Variants in NEDD4L observed in about 807,000 individuals in gnomAD.
The protein encoded by NEDD4L is E3 ubiquitin-protein ligase NEDD4-like.
Under a neutral mutation model 148.9 loss-of-function variants are expected in NEDD4L, and 54 were observed. That is an observed-to-expected ratio of 0.36 (90% CI 0.29 to 0.45). The LOEUF (loss-of-function observed/expected upper bound fraction) is 0.45, where lower values mean the gene tolerates loss of function less well. Ranked by LOEUF, NEDD4L falls within the 20% of genes least tolerant of loss-of-function variation. The pLI is 1.00. For synonymous variants in NEDD4L, 433 were observed against 440.7 expected, an observed-to-expected ratio of 0.98 and a Z score of 0.22; for missense variants, 856 against 1,233.8, an observed-to-expected ratio of 0.69 and a Z score of 4.59.
chr18:58,338,486 A>T (rs1001767517), intron 13 of NEDD4L, among the ~76,000 whole-genome samples: 11 of 152,264 alleles, frequency 7.2e-5, no homozygotes, highest in African/African-American at 2.7e-4. Context: ...CTCTCACATA[A>T]ATGTAACTAA....
intron 1 of NEDD4L, among the ~76,000 whole-genome samples, chr18:58,162,044 A>G (rs954867463): frequency 1.3e-5 from 2 of 152,212 alleles, no homozygotes; most frequent in Non-Finnish European, 2.9e-5. Flanking sequence ...TCTTAAAAAA[A>G]GCTTATTTCA....
intron 24 of NEDD4L, among the ~76,000 whole-genome samples, chr18:58,379,114 G>A (rs1189678273): frequency 6.6e-6 from 1 of 152,256 alleles, no homozygotes; most frequent in Non-Finnish European, 1.5e-5. Flanking sequence ...GGAGGGCGGG[G>A]TGTGCGTTTC....
chr18:58,358,275 C>G (rs1319344773), intron 19 of NEDD4L, among the ~76,000 whole-genome samples: 1 of 152,148 alleles, frequency 6.6e-6, no homozygotes, highest in African/African-American at 2.4e-5. Flanking sequence ...CATTTGGGTA[C>G]TATTTCCTAG....
chr18:58,399,269 G>A lies in NEDD4L; in HGVS notation c.*3000G>A, dbSNP rs1050008307. ...AGGCATTCATTGTCTGTGTTGCGGT[G>A]TATTCCCAGCTTCAGTGCTCTTTTC... On this transcript the variant is annotated 3_prime_UTR_variant, in exon 31 of 31. Coordinates refer to ENST00000400345, the MANE Select transcript of NEDD4L (RefSeq NM_001144967.3). 3.3e-5 allele frequency: 5 copies of A among 152,210 alleles called. No homozygotes were observed. The highest frequency in any genetic ancestry group is 1.3e-4 in the Admixed American group (2 of 15,278). The allele number at this position is 152,210 out of a possible 1,614,324, so 9.4% of individuals were successfully genotyped here. A position where few individuals can be genotyped will look rare whatever the true frequency, so the allele number is the denominator to read the frequency against.
intron 1 of NEDD4L, among the ~76,000 whole-genome samples, chr18:58,112,126 G>C (rs2085459468): frequency 6.6e-6 from 1 of 152,166 alleles, no homozygotes; most frequent in South Asian, 2.1e-4. Context: ...ATGAGGATTT[G>C]TCCGTGTCAA....
rs1323235096 is a variant in NEDD4L at position 58,044,621 on chromosome 18, C to A, written c.-40C>A. ...CCGGCCGTCCGCGCCGCAGCACAGC[C>A]GCTGGGAGCGCCTCAGACCCCGCGC... is the stretch of plus-strand genomic sequence containing the variant. On this transcript the variant is annotated 5_prime_UTR_variant, in exon 1 of 31. Coordinates refer to ENST00000400345, the MANE Select transcript of NEDD4L (RefSeq NM_001144967.3). The A allele has an allele frequency of 1.3e-6, 2 of 1,571,192 alleles. No individual in the cohort carries two copies. Among genetic ancestry groups the A allele is most frequent in the East Asian group, 2.4e-5 (1 of 41,302 alleles).
At chr18:58,175,439 TCTC>T (rs1219906348) in intron 2 of NEDD4L, among the ~76,000 whole-genome samples, 8 of 152,354 alleles carry the variant, frequency 5.3e-5, no homozygotes, top group African/African-American at 1.9e-4. Context: ...AGAACTGACT[TCTC>T]CTCTTCCTCC....
intron 1 of NEDD4L, among the ~76,000 whole-genome samples, chr18:58,098,913 C>G (rs938298415): frequency 6.6e-6 from 1 of 152,134 alleles, no homozygotes; most frequent in Non-Finnish European, 1.5e-5. Context: ...CACAGGGTTT[C>G]GTCAGTAAAT....
chr18:58,328,464 G>A (rs1340070622), intron 9 of NEDD4L, among the ~76,000 whole-genome samples: 1 of 152,226 alleles, frequency 6.6e-6, no homozygotes, highest in Non-Finnish European at 1.5e-5. Context: ...GTTAAAATGA[G>A]CTAGAAAGCA....
At chr18:58,320,198 TGATCC>T in intron 6 of NEDD4L, among the ~76,000 whole-genome samples, 1 of 152,334 alleles carries the variant, frequency 6.6e-6, no homozygotes, top group East Asian at 1.9e-4. Flanking sequence ...TGCCCACTGG[TGATCC>T]TGTAGGCTTT....
intron 5 of NEDD4L, among the ~76,000 whole-genome samples, chr18:58,302,105 G>C (rs887539634): frequency 6.6e-6 from 1 of 152,182 alleles, no homozygotes; most frequent in Non-Finnish European, 1.5e-5. Flanking sequence ...CTAGCCTGAG[G>C]ATTACTGTTG....
chr18:58,245,530 A>G (rs1165518716), intron 3 of NEDD4L, 22 bp downstream of exon 3: 2 of 1,297,206 alleles, frequency 1.5e-6, no homozygotes, highest in Non-Finnish European at 1.1e-6. Context: ...TCTTTAACCA[A>G]ATGTCATTTA....
At chr18:58,357,130 T>C in intron 18 of NEDD4L, 64 bp from the exon 19 acceptor site, 2 of 1,439,072 alleles carry the variant, frequency 1.4e-6, no homozygotes, top group Non-Finnish European at 1.9e-6. Context: ...TCCAAAACTT[T>C]CTTTACATAG....
chr18:58,054,845 A>G (rs1436161319), intron 1 of NEDD4L: 1 of 152,218 alleles, frequency 6.6e-6, no homozygotes, highest in Admixed American at 6.5e-5. Context: ...GTTGAATTCT[A>G]GAGTATGCTT....
intron 8 of NEDD4L, among the ~76,000 whole-genome samples, chr18:58,324,741 T>G (rs1179265823): frequency 6.6e-6 from 1 of 152,228 alleles, no homozygotes; most frequent in Non-Finnish European, 1.5e-5. Flanking sequence ...TGTGTTGTCC[T>G]GCAATGTAGT....
chr18:58,052,273 TTTGG>T (rs2081907844), intron 1 of NEDD4L, among the ~76,000 whole-genome samples: 1 of 152,196 alleles, frequency 6.6e-6, no homozygotes, highest in Non-Finnish European at 1.5e-5. Flanking sequence ...TAGCAGGGCG[TTTGG>T]TGGTTGGCGA....
At chr18:58,119,888 A>T (rs544685412) in intron 1 of NEDD4L, among the ~76,000 whole-genome samples, 8 of 152,312 alleles carry the variant, frequency 5.3e-5, no homozygotes, top group African/African-American at 1.9e-4. Flanking sequence ...GGTGGTTCTC[A>T]TAGCAGCCAG....
chr18:58,304,929 G>A (rs760820155), intron 5 of NEDD4L, among the ~76,000 whole-genome samples: 3 of 152,216 alleles, frequency 2.0e-5, no homozygotes, highest in Non-Finnish European at 4.4e-5. Flanking sequence ...TAGAGTGGCA[G>A]CCAGATATCC....
chr18:58,120,981 A>G (rs1647905086), intron 1 of NEDD4L, among the ~76,000 whole-genome samples: 3 of 152,012 alleles, frequency 2.0e-5, no homozygotes. Context: ...TTAGATTTAT[A>G]ATAATTAAGT....
Sources: allele counts gnomAD v4.1 joint callset (sites outside exome capture counted in the v4.1 genomes callset), GRCh38; gene constraint gnomAD v4.1.1; transcripts MANE v1.5; gene names NCBI Gene and HGNC (gene_info 2026-07-23, HGNC 2026-07-21).